Variants in DPP6 observed in about 807,000 individuals in gnomAD.
DPP6 encodes A-type potassium channel modulatory protein DPP6.
DPP6 carries 69 observed loss-of-function variants against 122.6 expected under a neutral mutation model. The observed-to-expected ratio is 0.56, with a 90% confidence interval of 0.46 to 0.69. DPP6 has a LOEUF of 0.69. Ranked by LOEUF, DPP6 falls within the 30% of genes least tolerant of loss-of-function variation. DPP6 has a pLI of 0.00. For synonymous variants in DPP6, 418 were observed against 433.1 expected, an observed-to-expected ratio of 0.97 and a Z score of 0.43; for missense variants, 928 against 1,116.9, an observed-to-expected ratio of 0.83 and a Z score of 2.41.
chr7:154,117,802 G>A (rs1298571116), intron 1 of DPP6, among the ~76,000 whole-genome samples: 1 of 151,662 alleles, frequency 6.6e-6, no homozygotes, highest in East Asian at 1.9e-4. Context: ...TGAGCAGACG[G>A]GTAGCAGAGA....
At chr7:153,824,040 TTGGCCAATCTC>T in the DPP6 span, among the ~76,000 whole-genome samples, 1 of 152,186 alleles carries the variant, frequency 6.6e-6, no homozygotes, top group Non-Finnish European at 1.5e-5. Flanking sequence ...TTCCGTACCA[TTGGCCAATCTC>T]TGGGTGGTCC....
chr7:153,919,050 G>A (rs1585031854), intron 1 of DPP6, among the ~76,000 whole-genome samples: 1 of 151,824 alleles, frequency 6.6e-6, no homozygotes, highest in South Asian at 2.1e-4. Context: ...GTACAGTGGA[G>A]TAAGAATGTC....
chr7:154,194,296 G>A (rs1473591064), intron 1 of DPP6, among the ~76,000 whole-genome samples: 1 of 152,194 alleles, frequency 6.6e-6, no homozygotes, highest in East Asian at 1.9e-4. Context: ...ACCAGGGGGT[G>A]AAATAGAAGG....
At chr7:154,277,439 T>C (rs1804216215) in intron 1 of DPP6, among the ~76,000 whole-genome samples, 1 of 152,192 alleles carries the variant, frequency 6.6e-6, no homozygotes, top group South Asian at 2.1e-4. Flanking sequence ...CTTGGGAAGA[T>C]CTGCCTGTTT....
chr7:154,138,269 A>T (rs919984201), intron 1 of DPP6, among the ~76,000 whole-genome samples: 16 of 152,238 alleles, frequency 1.1e-4, no homozygotes, highest in African/African-American at 3.9e-4. Context: ...CTTCTCCAGA[A>T]GGAACTAGTA....
chr7:154,204,866 G>A (rs780324530), intron 1 of DPP6, among the ~76,000 whole-genome samples: 4 of 151,902 alleles, frequency 2.6e-5, no homozygotes, highest in Non-Finnish European at 4.4e-5. Context: ...GTGTACTCCG[G>A]AACTCATAAT....
rs965299937 is a variant in DPP6, at chr7:154,760,961, G to A, written c.884-8456G>A. On this transcript the variant is annotated intron_variant, in intron 8 of 25. Transcript: ENST00000377770. The surrounding 1 kb of genome is among the most constrained non-coding windows in gnomAD (Gnocchi z 4.5). ...GCGATTCTCCTGCCTCAGCCTCCCGGATAGCTGGGACTACAGGCGCCTGCC... is the reference window on the plus strand; with the variant it reads ...GCGATTCTCCTGCCTCAGCCTCCCGAATAGCTGGGACTACAGGCGCCTGCC... Among the ~76,000 whole-genome samples the A allele has an allele frequency of 6.6e-6, 1 of 151,644 alleles. No homozygotes were observed. The highest frequency in any genetic ancestry group is 6.6e-5 in the Admixed American group (1 of 15,224).
chr7:154,543,993 CAAA>C (rs35853479), intron 4 of DPP6, among the ~76,000 whole-genome samples: 735 of 68,882 alleles, frequency 0.011, 4 homozygotes, highest in Non-Finnish European at 0.015. Context: ...GACTCCATCT[CAAA>C]AAAAAAAAAA....
At chr7:154,441,666 A>G (rs1339285122) in intron 1 of DPP6, among the ~76,000 whole-genome samples, 1 of 152,190 alleles carries the variant, frequency 6.6e-6, no homozygotes, top group Non-Finnish European at 1.5e-5. Context: ...ATAACCTGAC[A>G]GAGAGGCGTG....
At chr7:153,980,918 G>A (rs375009231) in intron 1 of DPP6, among the ~76,000 whole-genome samples, 25 of 152,224 alleles carry the variant, frequency 1.6e-4, no homozygotes, top group South Asian at 4.1e-4. Flanking sequence ...GAGACTGTTC[G>A]CTTTAATTTC....
chr7:153,835,623 A>C, the DPP6 span, among the ~76,000 whole-genome samples: 1 of 152,140 alleles, frequency 6.6e-6, no homozygotes, highest in East Asian at 1.9e-4. Context: ...TCTCCTACTC[A>C]TTTTGCAAAA....
chr7:154,063,479 A>G (rs1422276991), intron 1 of DPP6, among the ~76,000 whole-genome samples: 1 of 125,386 alleles, frequency 8.0e-6, no homozygotes, highest in Non-Finnish European at 1.7e-5. Flanking sequence ...ACTGAGAGCC[A>G]TTCCCTCTTC....
intron 1 of DPP6, among the ~76,000 whole-genome samples, chr7:154,372,724 G>T (rs572686931): frequency 2.0e-5 from 3 of 152,154 alleles, no homozygotes; most frequent in African/African-American, 7.2e-5. Flanking sequence ...ATTAAAATAG[G>T]AAAGCAACGG....
intron 1 of DPP6, among the ~76,000 whole-genome samples, chr7:154,013,579 G>A (rs1328976199): frequency 5.3e-5 from 8 of 151,102 alleles, no homozygotes; most frequent in Admixed American, 2.6e-4. Context: ...CTTTCTGTTG[G>A]GTCAGATGAT....
intron 12 of DPP6, among the ~76,000 whole-genome samples, chr7:154,799,727 C>T (rs755822624): frequency 1.3e-5 from 2 of 152,164 alleles, no homozygotes; most frequent in Non-Finnish European, 2.9e-5. Flanking sequence ...GTTGAGGAAA[C>T]CAGGCATTGT....
chr7:153,780,353 A>G, the DPP6 span, among the ~76,000 whole-genome samples: 1 of 152,154 alleles, frequency 6.6e-6, no homozygotes, highest in Non-Finnish European at 1.5e-5. Flanking sequence ...AGGCTTCTCT[A>G]CTGACCTTTT....
At chr7:154,379,532 C>T (rs1197861230) in intron 1 of DPP6, among the ~76,000 whole-genome samples, 1 of 151,774 alleles carries the variant, frequency 6.6e-6, no homozygotes, top group Non-Finnish European at 1.5e-5. Context: ...AAGAATTTAC[C>T]CCACAAAAAT....
At chr7:154,346,636 C>A (rs1013371563) in intron 1 of DPP6, among the ~76,000 whole-genome samples, 9 of 152,110 alleles carry the variant, frequency 5.9e-5, no homozygotes, top group Admixed American at 3.3e-4. Flanking sequence ...TGGGACCCCC[C>A]CTGTGTCTTG....
intron 1 of DPP6, among the ~76,000 whole-genome samples, chr7:154,125,039 G>T (rs1270813375): frequency 1.3e-5 from 2 of 152,200 alleles, no homozygotes; most frequent in South Asian, 4.1e-4. Flanking sequence ...AAAAGATGAC[G>T]TTCCAACAGC....
Sources: allele counts gnomAD v4.1 joint callset (sites outside exome capture counted in the v4.1 genomes callset), GRCh38; gene constraint gnomAD v4.1.1; non-coding constraint Gnocchi (gnomAD v3.1); transcripts MANE v1.5; gene names NCBI Gene and HGNC (gene_info 2026-07-23, HGNC 2026-07-21).